Variants in GIMAP8 observed in about 807,000 individuals in gnomAD.
The protein encoded by GIMAP8 is GTPase IMAP family member 8.
GIMAP8 carries 29 observed loss-of-function variants against 35.6 expected under a neutral mutation model. That is an observed-to-expected ratio of 0.81 (90% CI 0.61 to 1.11). The LOEUF (loss-of-function observed/expected upper bound fraction) is 1.11. GIMAP8 is among the 50% of genes most tolerant of loss of function. The pLI, the probability that GIMAP8 is intolerant of heterozygous loss-of-function variation, is 0.00. For synonymous variants in GIMAP8, 335 were observed against 308.7 expected (o/e 1.09, Z -0.89); for missense variants, 811 against 805.0 (o/e 1.01, Z -0.09).
At position 150,477,104 on chromosome 7, in the gene GIMAP8, T is replaced by C. The variant is rs764873030; in HGVS notation, c.1322T>C (p.Ile441Thr). ...TTTCCTTTGACAGAAACCCTGAACA[T>C]TGTCCTTGTGGGGAGAAGCGGGACT... Reference protein sequence around the residue: ...CVFREKETLNIVLVGRSGTGK... With the variant: ...CVFREKETLNTVLVGRSGTGK... The change falls in exon 5 of 5, where the codon ATT (isoleucine) becomes ACT (threonine). Residue 441 changes from isoleucine to threonine, a missense_variant. By Grantham distance (89) the Ile-to-Thr change is moderately conservative. Transcript: ENST00000307271. The C allele has an allele frequency of 6.9e-6, 11 of 1,602,392 alleles. No homozygotes were observed. Among genetic ancestry groups the C allele is most frequent in the Non-Finnish European group, 9.4e-6 (11 of 1,170,094 alleles).
In GIMAP8 at chr7:150,466,667, A is replaced by G. The variant is rs918080787; in HGVS notation, c.-28-4A>G. 3 of 1,605,216 alleles carry G rather than the reference A, an allele frequency of 1.9e-6. No individual in the cohort carries two copies. Among genetic ancestry groups the G allele is most frequent in the Non-Finnish European group, 2.6e-6 (3 of 1,175,234 alleles). On this transcript the variant is annotated splice_polypyrimidine_tract_variant and splice_region_variant and intron_variant, in intron 1 of 4. Coordinates refer to ENST00000307271, the MANE Select transcript of GIMAP8 (RefSeq NM_175571.4). The stretch of plus-strand genomic sequence containing the variant: ...CATTAATGTGTTGTTTTCTGTCCCA[A>G]CAGAACAAGCGGGAGCCTGTGTCAG...
At position 150,467,020 on chromosome 7, in the gene GIMAP8, A is replaced by G. The variant is rs1801978326; in HGVS notation, c.322A>G (p.Arg108Gly). The change falls in exon 2 of 5, where the codon AGG becomes GGG. Residue 108 changes from arginine to glycine, a missense_variant. Coordinates refer to ENST00000307271, the MANE Select transcript of GIMAP8 (RefSeq NM_175571.4). ...GGTAATTGCCATCGGCCATTTCACAAGGGAGGATGAGGAAACAGCCAAGGG... is the reference window on the plus strand; with the variant it reads ...GGTAATTGCCATCGGCCATTTCACAGGGGAGGATGAGGAAACAGCCAAGGG... Reference protein sequence around the residue: ...LLVIAIGHFTREDEETAKGIQ... With the variant: ...LLVIAIGHFTGEDEETAKGIQ... 3 of 1,614,222 alleles carry G rather than the reference A, an allele frequency of 1.9e-6. No individual in the cohort carries two copies. Among genetic ancestry groups the G allele is most frequent in the Non-Finnish European group, 2.5e-6 (3 of 1,180,026 alleles).
intron 1 of GIMAP8, among the ~76,000 whole-genome samples, chr7:150,456,823 T>G (rs768219205): frequency 1.3e-5 from 2 of 152,256 alleles, no homozygotes; most frequent in African/African-American, 2.4e-5. Flanking sequence ...TACCTCATAC[T>G]ATACACAAAA....
In GIMAP8 at chr7:150,477,689, C is replaced by T. The variant is rs367921993; in HGVS notation, c.1907C>T (p.Thr636Ile). ...AGTGGGTGGTCCGGGTATCCCCATA[C>T]ACAGGAGAACGTCAGCAAACTAATT... Reference protein sequence around the residue: ...KESGWSGYPHTQENVSKLIKN... With the variant: ...KESGWSGYPHIQENVSKLIKN... Residue 636 changes from threonine (T) to isoleucine (I), a missense_variant, in exon 5 of 5, where the codon ACA becomes ATA. Transcript: ENST00000307271. 1.9e-6 allele frequency: 3 copies of T among 1,614,172 alleles called. No homozygotes were observed. The highest frequency in any genetic ancestry group is 2.2e-5 in the East Asian group (1 of 44,878).
chr7:150,453,875 G>A lies in GIMAP8; in HGVS notation c.-29+2700G>A, dbSNP rs188922708. Among the ~76,000 whole-genome samples the A allele has an allele frequency of 1.1e-3, 170 of 151,986 alleles. No homozygotes were observed. The Middle Eastern group carries it at 0.017, about 15-fold the overall frequency. On this transcript the variant is annotated intron_variant, in intron 1 of 4. Coordinates refer to ENST00000307271, the MANE Select transcript of GIMAP8 (RefSeq NM_175571.4). ...TGCTGGGTATGGGGCGGGGGTGCCC[G>A]TGGGGCATAGAGGGGTGGACAGCTC...
At chr7:150,471,092 G>T (rs1802081035) in intron 3 of GIMAP8, among the ~76,000 whole-genome samples, 1 of 152,196 alleles carries the variant, frequency 6.6e-6, no homozygotes, top group African/African-American at 2.4e-5. Context: ...GGGTGTCCTT[G>T]GACTTTTCTG....
At position 150,470,746 on chromosome 7, in the gene GIMAP8, C is replaced by CTTTT. The variant is rs765100972; in HGVS notation, c.637-64_637-61dup. 117 of 467,942 alleles carry CTTTT rather than the reference C, an allele frequency of 2.5e-4. 3 individuals are homozygous for CTTTT. Among genetic ancestry groups the CTTTT allele is most frequent in the African/African-American group, 2.1e-3 (60 of 27,940 alleles). 29.0% of individuals were successfully genotyped at this position (467,942 alleles called of 1,614,324 possible). A position where few individuals can be genotyped will look rare whatever the true frequency, so the allele number is the denominator to read the frequency against. On this transcript the variant is annotated intron_variant, in intron 2 of 4. Coordinates refer to ENST00000307271, the MANE Select transcript of GIMAP8 (RefSeq NM_175571.4). ...CATTCTGAATTAATACTTCAATTTC[C>CTTTT]TTTTTTTTTTTTTTTTTTTTTTCAG...
At chr7:150,476,444 A>G (rs76109477) in intron 4 of GIMAP8, among the ~76,000 whole-genome samples, 3,128 of 152,354 alleles carry the variant, frequency 0.021, 103 homozygotes, top group African/African-American at 0.071. Context: ...CAACAGTGTT[A>G]GTGGATATTC....
At chr7:150,453,377 T>C (rs1039522582) in intron 1 of GIMAP8, among the ~76,000 whole-genome samples, 4 of 152,226 alleles carry the variant, frequency 2.6e-5, no homozygotes, top group Non-Finnish European at 4.4e-5. Context: ...GCCATCCAGA[T>C]GATTCCAGAG....
chr7:150,475,107 C>A (rs1802198383), intron 4 of GIMAP8, among the ~76,000 whole-genome samples: 1 of 152,138 alleles, frequency 6.6e-6, no homozygotes, highest in African/African-American at 2.4e-5. Context: ...GCCACATTTT[C>A]TAAAAGGCAT....
In GIMAP8 at chr7:150,459,605, C is replaced by A. The variant is rs534161623; in HGVS notation, c.-28-7066C>A. On this transcript the variant is annotated intron_variant, in intron 1 of 4. Coordinates refer to ENST00000307271, the MANE Select transcript of GIMAP8 (RefSeq NM_175571.4). Reference sequence around the variant, plus strand: ...TAGAGCCTCCTAGAGAACCTTGCCCCAGTCCTACAAGGTGGTATTGTCACG... The same window carrying A: ...TAGAGCCTCCTAGAGAACCTTGCCCAAGTCCTACAAGGTGGTATTGTCACG... Among the ~76,000 whole-genome samples, 363 of 152,314 alleles carry A rather than the reference C, an allele frequency of 2.4e-3. 2 individuals are homozygous for A. Among genetic ancestry groups the A allele is most frequent in the African/African-American group, 8.1e-3 (338 of 41,564 alleles).
intron 1 of GIMAP8, among the ~76,000 whole-genome samples, chr7:150,456,775 A>AT (rs992606272): frequency 2.6e-5 from 4 of 152,164 alleles, no homozygotes; most frequent in Admixed American, 6.5e-5. Flanking sequence ...CAACAGTGTC[A>AT]TTTTTTTCAA....
At chr7:150,473,855 C>T (rs570715320) in intron 3 of GIMAP8, among the ~76,000 whole-genome samples, 157 bp from the exon 4 acceptor site, 1 of 152,204 alleles carries the variant, frequency 6.6e-6, no homozygotes, top group Non-Finnish European at 1.5e-5. Flanking sequence ...TGGCTTTCAC[C>T]TTGATGGAGA....
Position 150,451,541 on chromosome 7 carries a change from G to T in GIMAP8, c.-29+366G>T, listed in dbSNP as rs989215953. Reference sequence around the variant, plus strand: ...ATGAGAGTGGCTGTCCTAAAAGAAGGCGTGTCGGGGAGTGGGTGTGAGCCC... The same window carrying T: ...ATGAGAGTGGCTGTCCTAAAAGAAGTCGTGTCGGGGAGTGGGTGTGAGCCC... On this transcript the variant is annotated intron_variant, in intron 1 of 4. Coordinates refer to ENST00000307271, the MANE Select transcript of GIMAP8 (RefSeq NM_175571.4). This position sits in a 1 kb window ranked among gnomAD's most constrained non-coding sequence, Gnocchi z 4.1. Among the ~76,000 whole-genome samples the T allele has an allele frequency of 6.6e-6, 1 of 152,186 alleles. No individual in the cohort carries two copies.
chr7:150,474,649 G>A lies in GIMAP8; in HGVS notation c.1309+11G>A, dbSNP rs753401314. ...TTTTCAGAGAAAAAGGTAAAACTGT[G>A]AATAGGATATATATTTTTACATATA... is the stretch of plus-strand genomic sequence containing the variant. On this transcript the variant is annotated intron_variant, in intron 4 of 4. Coordinates refer to ENST00000307271, the MANE Select transcript of GIMAP8 (RefSeq NM_175571.4). The A allele has an allele frequency of 1.3e-6, 2 of 1,528,454 alleles. No individual in the cohort carries two copies. Among genetic ancestry groups the A allele is most frequent in the Non-Finnish European group, 1.8e-6 (2 of 1,131,922 alleles). The allele number at this position is 1,528,454 out of a possible 1,614,324, so 94.7% of individuals were successfully genotyped here.
intron 1 of GIMAP8, among the ~76,000 whole-genome samples, chr7:150,464,452 C>T (rs1237200215): frequency 1.3e-5 from 2 of 152,112 alleles, no homozygotes; most frequent in African/African-American, 4.8e-5. Context: ...GAGGCCAAAG[C>T]CAGAGGATTG....
chr7:150,470,947 C>G lies in GIMAP8; in HGVS notation c.682+73C>G, dbSNP rs546852696. Reference sequence around the variant, plus strand: ...AATGCATTCTGCAGCCAAAGTGAAGCGGAAACATTATCCATATAAACCAGA... The same window carrying G: ...AATGCATTCTGCAGCCAAAGTGAAGGGGAAACATTATCCATATAAACCAGA... On this transcript the variant is annotated intron_variant, in intron 3 of 4. Coordinates refer to ENST00000307271, the MANE Select transcript of GIMAP8 (RefSeq NM_175571.4). The G allele has an allele frequency of 2.7e-5, 31 of 1,139,950 alleles. No individual in the cohort carries two copies. In the South Asian group the frequency reaches 3.9e-4, roughly 14 times the overall value. The allele number at this position is 1,139,950 out of a possible 1,614,324, so 70.6% of individuals were successfully genotyped here. A position where few individuals can be genotyped will look rare whatever the true frequency, so the allele number is the denominator to read the frequency against.
chr7:150,477,299 A>T lies in GIMAP8; in HGVS notation c.1517A>T (p.Asp506Val). The change falls in exon 5 of 5, where the codon GAC (aspartate) becomes GTC (valine). Residue 506 changes from aspartate (D) to valine (V), a missense_variant. Asp to Val is a radical substitution (Grantham distance 152). Transcript: ENST00000307271. ...AACCAGATGCTGGATGTCGAAAAGG[A>T]CCCATCCCGGTTAGAAGAGGAGGTC... is the stretch of plus-strand genomic sequence containing the variant. Reference protein sequence around the residue: ...SFNQMLDVEKDPSRLEEEVKR... With the variant: ...SFNQMLDVEKVPSRLEEEVKR... 6.2e-7 allele frequency: 1 copy of T among 1,614,006 alleles called. No homozygotes were observed. The highest frequency in any genetic ancestry group is 8.5e-7 in the Non-Finnish European group (1 of 1,179,986).
At chr7:150,452,422 G>T (rs1322049719) in intron 1 of GIMAP8, among the ~76,000 whole-genome samples, 1 of 151,728 alleles carries the variant, frequency 6.6e-6, no homozygotes, top group African/African-American at 2.4e-5. Flanking sequence ...ACCATGCAAG[G>T]CTGTGTCGCT....
Sources: gnomAD v4.1 joint callset for allele counts (sites outside exome capture counted in the v4.1 genomes callset) on GRCh38, gnomAD v4.1.1 for gene constraint, Gnocchi (gnomAD v3.1) non-coding constraint, MANE v1.5 for transcripts, NCBI Gene and HGNC (gene_info 2026-07-23, HGNC 2026-07-21) for gene names.